ACTN1: variants seen among roughly 807,000 people sequenced by gnomAD.
ACTN1 encodes the protein actinin alpha 1.
ACTN1 carries 30 observed loss-of-function variants against 119.6 expected under a neutral mutation model. That is an observed-to-expected ratio of 0.25 (90% confidence interval 0.19 to 0.34). ACTN1 has a LOEUF of 0.34. ACTN1 is among the 10% of genes least tolerant of loss of function. The probability of loss-of-function intolerance (pLI) is 1.00; values close to 1 mark genes in which losing one functional copy is unlikely to be tolerated. For synonymous variants in ACTN1, 429 were observed against 472.6 expected (o/e 0.91, Z 1.20); for missense variants, 764 against 1,223.4 (o/e 0.62, Z 5.60).
intron 1 of ACTN1, among the ~76,000 whole-genome samples, chr14:68,954,469 A>G (rs2036281635): frequency 6.6e-6 from 1 of 152,084 alleles, no homozygotes; most frequent in African/African-American, 2.4e-5. Context: ...CTGGGATTAC[A>G]GGCACCCGCC....
intron 8 of ACTN1, among the ~76,000 whole-genome samples, chr14:68,898,440 CACATTAG>C (rs2033031932): frequency 6.6e-6 from 1 of 152,238 alleles, no homozygotes; most frequent in Admixed American, 6.5e-5. Flanking sequence ...CGTGCACACA[CACATTAG>C]GCGCTGTTGC....
intron 1 of ACTN1, among the ~76,000 whole-genome samples, chr14:68,928,888 G>A (rs139312452): frequency 1.3e-5 from 2 of 152,182 alleles, no homozygotes; most frequent in South Asian, 2.1e-4. Context: ...GACAACATGC[G>A]AGCTCTTTTT....
At chr14:68,910,793 G>A (rs539452960) in intron 4 of ACTN1, among the ~76,000 whole-genome samples, 5 of 152,290 alleles carry the variant, frequency 3.3e-5, no homozygotes, top group South Asian at 4.1e-4. Flanking sequence ...CTGTTCTCGT[G>A]GTAGTGAATA....
At chr14:68,958,002 G>A (rs374590219) in intron 1 of ACTN1, among the ~76,000 whole-genome samples, 1 of 152,146 alleles carries the variant, frequency 6.6e-6, no homozygotes, top group Non-Finnish European at 1.5e-5. Flanking sequence ...TCAGATCTGG[G>A]CAAAACTTTC....
intron 1 of ACTN1, among the ~76,000 whole-genome samples, chr14:68,972,755 C>A (rs2036929814): frequency 6.6e-6 from 1 of 152,242 alleles, no homozygotes; most frequent in South Asian, 2.1e-4. Context: ...CCCAGCTCCA[C>A]CATTTGCTGG....
rs568254677 is a variant in ACTN1, at chr14:68,874,188, C to T, written c.*671G>A. ...GCAATATCAAAGTTGTCCATACTCT[C>T]CAAGTTTGTCCTATTTTTAATAGAC... On this transcript the variant is annotated 3_prime_UTR_variant, in exon 22 of 22. Coordinates refer to ENST00000394419, the MANE Select transcript of ACTN1 (RefSeq NM_001130004.2). 2 of 152,252 alleles carry T rather than the reference C, an allele frequency of 1.3e-5. No individual in the cohort carries two copies. The highest frequency in any genetic ancestry group is 3.8e-4 in the East Asian group (2 of 5,316). The allele number at this position is 152,252 out of a possible 1,614,324, so 9.4% of individuals were successfully genotyped here. A position where few individuals can be genotyped will look rare whatever the true frequency, so the allele number is the denominator to read the frequency against.
chr14:68,945,391 C>T (rs1465615701), intron 1 of ACTN1, among the ~76,000 whole-genome samples: 1 of 152,174 alleles, frequency 6.6e-6, no homozygotes, highest in East Asian at 1.9e-4. Flanking sequence ...TGGAAGTCAC[C>T]GAAGACATTT....
In ACTN1 at chr14:68,877,313, C is replaced by G. The variant is rs570879079; in HGVS notation, c.2428-73G>C. The G allele has an allele frequency of 2.5e-6, 4 of 1,574,342 alleles. No homozygotes were observed. The Admixed American group carries it at 5.2e-5, about 20-fold the overall frequency. On this transcript the variant is annotated intron_variant, in intron 20 of 21. Coordinates refer to ENST00000394419, the MANE Select transcript of ACTN1 (RefSeq NM_001130004.2). ...GAATATCTCATATGGACTGAAGACC[C>G]TGGGGGCTCAGAGCAGCCTATGGCT...
chr14:68,957,428 C>T (rs1319951963), intron 1 of ACTN1, among the ~76,000 whole-genome samples: 1 of 152,210 alleles, frequency 6.6e-6, no homozygotes, highest in Non-Finnish European at 1.5e-5. Context: ...AACAATGACT[C>T]GGCCATCAGG....
At chr14:68,928,378 A>G (rs745789032) in intron 1 of ACTN1, among the ~76,000 whole-genome samples, 2 of 152,094 alleles carry the variant, frequency 1.3e-5, no homozygotes, top group Non-Finnish European at 2.9e-5. Context: ...CAGAGGCCCC[A>G]TAGATTACTG....
intron 1 of ACTN1, among the ~76,000 whole-genome samples, chr14:68,942,039 A>G (rs935008004): frequency 2.6e-5 from 4 of 152,180 alleles, no homozygotes; most frequent in Non-Finnish European, 5.9e-5. Context: ...CCAAGCCCGC[A>G]GGATGCCAGA....
chr14:68,932,644 C>T lies in ACTN1; in HGVS notation c.106-6972G>A, dbSNP rs143812464. ...ATCCTCCCAAAGTGCTGGTTACAGG[C>T]GTGAGCCACTGCACCTGGTCTAGAC... On this transcript the variant is annotated intron_variant, in intron 1 of 21. Transcript: ENST00000394419. Among the ~76,000 whole-genome samples the T allele has an allele frequency of 5.7e-3, 864 of 150,888 alleles. 4 individuals are homozygous for T. Among genetic ancestry groups the T allele is most frequent in the Middle Eastern group, 0.017 (5 of 294 alleles).
At chr14:68,939,028 T>C (rs2035664695) in intron 1 of ACTN1, among the ~76,000 whole-genome samples, 2 of 152,188 alleles carry the variant, frequency 1.3e-5, no homozygotes, top group South Asian at 4.1e-4. Context: ...TGCAGCTTTT[T>C]CTGGGAGGCC....
chr14:68,888,218 A>T, intron 11 of ACTN1: 1 of 411,726 alleles, frequency 2.4e-6, no homozygotes, highest in Non-Finnish European at 4.5e-6. Flanking sequence ...CAAGAAATGG[A>T]ATTCCCAGGT....
chr14:68,905,250 A>G (rs2033597138), intron 6 of ACTN1, among the ~76,000 whole-genome samples: 1 of 152,240 alleles, frequency 6.6e-6, no homozygotes, highest in African/African-American at 2.4e-5. Flanking sequence ...TTAAATAGCC[A>G]CAGCTTTGGA....
intron 1 of ACTN1, chr14:68,936,789 G>A: frequency 1.6e-6 from 1 of 610,388 alleles, no homozygotes; most frequent in Non-Finnish European, 3.2e-6. Context: ...ATGGCTGAAG[G>A]ACACTTGTGG....
chr14:68,938,193 G>A (rs2035614481), intron 1 of ACTN1, among the ~76,000 whole-genome samples: 1 of 152,198 alleles, frequency 6.6e-6, no homozygotes, highest in South Asian at 2.1e-4. Flanking sequence ...GAGTCTTCGG[G>A]AACATCTCCA....
chr14:68,972,720 G>A (rs1052560390), intron 1 of ACTN1, among the ~76,000 whole-genome samples: 6 of 152,340 alleles, frequency 3.9e-5, no homozygotes, highest in African/African-American at 9.6e-5. Flanking sequence ...TGCAAATGCT[G>A]GAGCCCGACT....
At chr14:68,963,131 C>T (rs557412062) in intron 1 of ACTN1, among the ~76,000 whole-genome samples, 2 of 152,358 alleles carry the variant, frequency 1.3e-5, no homozygotes, top group African/African-American at 4.8e-5. Context: ...TGCCCCCGCA[C>T]CCGCTTGGCC....
Sources: gnomAD v4.1 joint callset for allele counts (sites outside exome capture counted in the v4.1 genomes callset) on GRCh38, gnomAD v4.1.1 for gene constraint, MANE v1.5 for transcripts, NCBI Gene and HGNC (gene_info 2026-07-23, HGNC 2026-07-21) for gene names.